Variants in TNS1 observed in about 807,000 individuals in gnomAD.
TNS1 encodes tensin-1.
TNS1 carries 62 observed loss-of-function variants against 168.6 expected under a neutral mutation model. The observed-to-expected ratio is 0.37, with a 90% CI of 0.30 to 0.45. TNS1 has a LOEUF of 0.45. Ranked by LOEUF, TNS1 falls within the 20% of genes least tolerant of loss-of-function variation. The probability of loss-of-function intolerance (pLI) is 1.00; values close to 1 mark genes in which losing one functional copy is unlikely to be tolerated. For missense variants in TNS1, 2,240 were observed against 2,339.4 expected, an observed-to-expected ratio of 0.96 and a Z score of 0.88; for synonymous variants, 934 against 933.2, an observed-to-expected ratio of 1.00 and a Z score of -0.02.
At chr2:217,852,527 G>T (rs1182957440) in intron 18 of TNS1, among the ~76,000 whole-genome samples, 1 of 152,198 alleles carries the variant, frequency 6.6e-6, no homozygotes, top group East Asian at 1.9e-4. Context: ...GAGAGCCATG[G>T]GGGCAAATTC....
intron 29 of TNS1, 63 bp from the exon 30 acceptor site, chr2:217,810,054 A>C: frequency 1.3e-6 from 2 of 1,554,908 alleles, no homozygotes; most frequent in Non-Finnish European, 1.8e-6. Flanking sequence ...ATTAACCCAG[A>C]TCCATTCTTC....
At chr2:217,897,026 A>C (rs1241927971) in intron 8 of TNS1, among the ~76,000 whole-genome samples, 1 of 152,212 alleles carries the variant, frequency 6.6e-6, no homozygotes, top group Admixed American at 6.5e-5. Context: ...CCATGGATAG[A>C]AAGGGCCACC....
At chr2:217,849,858 C>A (rs1055904199) in intron 18 of TNS1, 77 of 985,334 alleles carry the variant, frequency 7.8e-5, no homozygotes, top group African/African-American at 1.2e-4. Context: ...AGGGCCCCAC[C>A]ATGCCCAAGG....
intron 1 of TNS1, among the ~76,000 whole-genome samples, chr2:218,028,773 G>A (rs572250057): frequency 6.6e-6 from 1 of 152,348 alleles, no homozygotes; most frequent in African/African-American, 2.4e-5. Flanking sequence ...CTGGGGTCTT[G>A]GGGGTGGAGG....
intron 18 of TNS1, among the ~76,000 whole-genome samples, chr2:217,879,054 G>C (rs1372078651): frequency 1.3e-5 from 2 of 152,150 alleles, no homozygotes; most frequent in Non-Finnish European, 2.9e-5. Flanking sequence ...CTGGCCCTCT[G>C]CCGAGAGGGG....
chr2:217,911,198 C>A (rs1954365876), intron 4 of TNS1, among the ~76,000 whole-genome samples: 1 of 152,216 alleles, frequency 6.6e-6, no homozygotes, highest in South Asian at 2.1e-4. Flanking sequence ...CACCAGGGGT[C>A]TTCCAGAGTC....
chr2:217,922,042 A>T (rs1955742648), intron 3 of TNS1, among the ~76,000 whole-genome samples: 1 of 152,172 alleles, frequency 6.6e-6, no homozygotes, highest in African/African-American at 2.4e-5. Flanking sequence ...GGGGAACAGA[A>T]CTGCCCCCAG....
intron 1 of TNS1, among the ~76,000 whole-genome samples, chr2:217,998,096 G>A (rs1958502345): frequency 6.6e-6 from 1 of 152,174 alleles, no homozygotes; most frequent in African/African-American, 2.4e-5. Flanking sequence ...CAAGCACCAG[G>A]AATCACCAAG....
chr2:217,844,622 A>G (rs1363095436), intron 19 of TNS1, among the ~76,000 whole-genome samples: 1 of 152,124 alleles, frequency 6.6e-6, no homozygotes, highest in Non-Finnish European at 1.5e-5. Flanking sequence ...TTAAAACCAC[A>G]CTTAACACTG....
At chr2:217,900,338 C>T in intron 7 of TNS1, 125 bp downstream of exon 7, 1 of 1,117,662 alleles carries the variant, frequency 8.9e-7, no homozygotes. Context: ...TCACGTTTGC[C>T]CACACTCCCC....
At chr2:217,935,255 C>A (rs2125917715) in intron 3 of TNS1, among the ~76,000 whole-genome samples, 1 of 152,386 alleles carries the variant, frequency 6.6e-6, no homozygotes, top group East Asian at 1.9e-4. Context: ...GGGCACTGGA[C>A]TCCAGGCCAC....
At position 217,880,624 on chromosome 2, in the gene TNS1, C is replaced by G. The variant is rs1041047816; in HGVS notation, c.1429+274G>C. Among the ~76,000 whole-genome samples the G allele has an allele frequency of 1.3e-5, 2 of 152,208 alleles. No individual in the cohort carries two copies. On this transcript the variant is annotated intron_variant, in intron 18 of 32. Transcript: ENST00000682258. The surrounding 1 kb of genome is among the most constrained non-coding windows in gnomAD (Gnocchi z 4.2). ...CCAATCCCAGAGAACTCACTGTCCA[C>G]GGAACTTACTTGGCTGTAGCAACAC...
intron 19 of TNS1, among the ~76,000 whole-genome samples, chr2:217,838,476 G>A (rs966287816): frequency 2.0e-5 from 3 of 152,238 alleles, no homozygotes; most frequent in Non-Finnish European, 4.4e-5. Flanking sequence ...ATGGCACGTG[G>A]GAGCATGTTC....
In TNS1 at chr2:217,802,830, A is replaced by G. The variant is rs1254181353; in HGVS notation, c.*1629T>C. On this transcript the variant is annotated 3_prime_UTR_variant, in exon 33 of 33. Coordinates refer to ENST00000682258, the MANE Select transcript of TNS1 (RefSeq NM_001387777.1). ...TTATTAGCTTACAGATTCTGTCAGT[A>G]TGTCTCATGTATATATTATATAATA... is the stretch of plus-strand genomic sequence containing the variant. 2 of 152,654 alleles carry G rather than the reference A, an allele frequency of 1.3e-5. No individual in the cohort carries two copies. The highest frequency in any genetic ancestry group is 4.8e-5 in the African/African-American group (2 of 41,460). 9.5% of individuals were successfully genotyped at this position (152,654 alleles called of 1,614,324 possible).
At chr2:218,026,999 G>A (rs1214337930) in intron 1 of TNS1, among the ~76,000 whole-genome samples, 1 of 152,174 alleles carries the variant, frequency 6.6e-6, no homozygotes, top group African/African-American at 2.4e-5. Context: ...GGGTGTTGAG[G>A]GCTTGGTGGA....
At chr2:217,987,412 G>A (rs1222821339) in intron 2 of TNS1, among the ~76,000 whole-genome samples, 2 of 152,070 alleles carry the variant, frequency 1.3e-5, no homozygotes, top group Non-Finnish European at 2.9e-5. Flanking sequence ...ATTCATCTTT[G>A]AGTCTTCCAA....
intron 12 of TNS1, among the ~76,000 whole-genome samples, chr2:217,888,809 T>C (rs1388117207): frequency 6.6e-6 from 1 of 152,178 alleles, no homozygotes; most frequent in Non-Finnish European, 1.5e-5. Context: ...CTTTTGTAAA[T>C]TGCCCAGTCT....
chr2:217,851,602 G>A (rs964231830), intron 18 of TNS1, among the ~76,000 whole-genome samples: 14 of 152,114 alleles, frequency 9.2e-5, no homozygotes, highest in Non-Finnish European at 2.1e-4. Flanking sequence ...AAGTATTGCA[G>A]CAGCCCAGGG....
Position 217,817,861 on chromosome 2 carries a change from G to A in TNS1, c.4471C>T (p.Pro1491Ser), listed in dbSNP as rs747452943. Reference protein sequence around the residue: ...FRQGSPTPALPEKRRMSVGDR... With the variant: ...FRQGSPTPALSEKRRMSVGDR... ...CCCACTGACATCCTTCGCTTCTCTG[G>A]CAAGGCTGGTGTTGGGCTCCCTTGC... Residue 1491 changes from proline (P) to serine (S), a missense_variant, in exon 24 of 33, where the codon CCA becomes TCA. Transcript: ENST00000682258. 4.3e-6 allele frequency: 7 copies of A among 1,614,118 alleles called. No individual in the cohort carries two copies. The highest frequency in any genetic ancestry group is 5.9e-6 in the Non-Finnish European group (7 of 1,180,038).
Sources: allele counts gnomAD v4.1 joint callset (sites outside exome capture counted in the v4.1 genomes callset), GRCh38; gene constraint gnomAD v4.1.1; non-coding constraint Gnocchi (gnomAD v3.1); transcripts MANE v1.5; gene names NCBI Gene and HGNC (gene_info 2026-07-23, HGNC 2026-07-21).